ITPRID1: variants seen among roughly 807,000 people sequenced by gnomAD.
ITPRID1 encodes the protein protein ITPRID1.
In ITPRID1, 96 loss-of-function variants were observed where a neutral mutation model predicts 95.4. The observed-to-expected ratio is 1.01, with a 90% CI of 0.85 to 1.19. The LOEUF is 1.19. Among genes scored for constraint, ITPRID1 ranks in the 50% most tolerant of loss-of-function variants. The pLI is 0.00. For missense variants in ITPRID1, 1,339 were observed against 1,252.9 expected (o/e 1.07, Z -1.04); for synonymous variants, 510 against 453.6 (o/e 1.12, Z -1.58).
intron 10 of ITPRID1, among the ~76,000 whole-genome samples, chr7:31,636,275 A>G (rs945918229): frequency 6.6e-6 from 1 of 152,236 alleles, no homozygotes; most frequent in Non-Finnish European, 1.5e-5. Flanking sequence ...AGACTGGTAT[A>G]AACTAGCCAG....
intron 4 of ITPRID1, 69 bp downstream of exon 4, chr7:31,554,592 ACT>A: frequency 1.9e-6 from 3 of 1,588,728 alleles, no homozygotes; most frequent in Middle Eastern, 1.7e-4. Context: ...AATGTGTGTA[ACT>A]CTGCCTGGGC....
chr7:31,585,938 A>C (rs1785580511), intron 10 of ITPRID1, among the ~76,000 whole-genome samples: 1 of 148,676 alleles, frequency 6.7e-6, no homozygotes, highest in South Asian at 2.2e-4. Context: ...CGCTGCACCC[A>C]CTAACTCGTC....
intron 5 of ITPRID1, among the ~76,000 whole-genome samples, chr7:31,558,895 A>T (rs1467233200): frequency 6.6e-6 from 1 of 152,194 alleles, no homozygotes; most frequent in African/African-American, 2.4e-5. Context: ...TAAGGTTTTA[A>T]TGCCACTAAA....
intron 12 of ITPRID1, among the ~76,000 whole-genome samples, chr7:31,646,410 G>A (rs1022337936): frequency 6.6e-5 from 10 of 152,148 alleles, no homozygotes; most frequent in African/African-American, 2.4e-4. Context: ...GCAGGTAGAA[G>A]GATTGCAGCT....
At position 31,563,488 on chromosome 7, in the gene ITPRID1, G is replaced by A. The variant is rs561091099; in HGVS notation, c.257-6270G>A. 2.0e-5 allele frequency among the ~76,000 whole-genome samples: 3 copies of A among 152,252 alleles called. No homozygotes were observed. In the East Asian group the frequency reaches 5.8e-4, roughly 29 times the overall value. Reference sequence around the variant, plus strand: ...GGTAGTTGTACTTGTGGTCTGGGCTGAGCAGGATTTTGACACCCTATCTTT... The same window carrying A: ...GGTAGTTGTACTTGTGGTCTGGGCTAAGCAGGATTTTGACACCCTATCTTT... On this transcript the variant is annotated intron_variant, in intron 5 of 14. Coordinates refer to ENST00000615280, the MANE Select transcript of ITPRID1 (RefSeq NM_001257967.3).
chr7:31,580,161 G>C (rs1159227514), intron 9 of ITPRID1, among the ~76,000 whole-genome samples: 1 of 151,888 alleles, frequency 6.6e-6, no homozygotes, highest in Non-Finnish European at 1.5e-5. Flanking sequence ...AGCTCGGTGT[G>C]GTGGAGGGTG....
intron 1 of ITPRID1, among the ~76,000 whole-genome samples, chr7:31,521,675 C>T (rs217161): frequency 1.8e-4 from 20 of 114,212 alleles, no homozygotes; most frequent in Middle Eastern, 4.7e-3. Flanking sequence ...TCCTTCCTTC[C>T]TTCCTTCCTT....
intron 10 of ITPRID1, 89 bp downstream of exon 10, chr7:31,583,280 T>C (rs564557719): frequency 1.1e-6 from 1 of 872,534 alleles, no homozygotes; most frequent in Admixed American, 2.1e-5. Context: ...GTACAGAGCT[T>C]AAATTATCTC....
intron 8 of ITPRID1, among the ~76,000 whole-genome samples, chr7:31,575,365 G>A (rs550309730): frequency 1.3e-5 from 2 of 152,304 alleles, no homozygotes; most frequent in African/African-American, 4.8e-5. Context: ...CATCCCTCCT[G>A]ATTTAACTAT....
rs139431992 is a variant in ITPRID1 at position 31,643,819 on chromosome 7, G to A, written c.2449G>A (p.Gly817Arg). Reference sequence around the variant, plus strand: ...CTGTCATCACCACCCTCACTGCCACGGGGAGAGGCAAAGCCCTGGCCCTGA... The same window carrying A: ...CTGTCATCACCACCCTCACTGCCACAGGGAGAGGCAAAGCCCTGGCCCTGA... ...ICCHHHPHCH[G>R]ERQSPGPEPS... is the part of the protein sequence containing the mutation. The change falls in exon 12 of 15, where the codon GGG (glycine) becomes AGG (arginine). Residue 817 changes from glycine to arginine, a missense_variant. By Grantham distance (125) the Gly-to-Arg change is moderately radical (BLOSUM62 -2). Transcript: ENST00000615280. The A allele has an allele frequency of 2.7e-5, 44 of 1,613,720 alleles. No homozygotes were observed. The highest frequency in any genetic ancestry group is 6.7e-5 in the Admixed American group (4 of 59,998).
intron 10 of ITPRID1, among the ~76,000 whole-genome samples, chr7:31,594,292 G>C (rs1303605578): frequency 6.6e-6 from 1 of 152,150 alleles, no homozygotes; most frequent in Non-Finnish European, 1.5e-5. Flanking sequence ...AATCAACTAA[G>C]CGTGCATTTC....
chr7:31,519,620 C>CCATATATATATA (rs1554279824), intron 1 of ITPRID1, among the ~76,000 whole-genome samples: 2 of 25,252 alleles, frequency 7.9e-5, no homozygotes, highest in Non-Finnish European at 1.5e-4. Flanking sequence ...CTCTCTCTCT[C>CCATATATATATA]TATATATATA....
intron 10 of ITPRID1, among the ~76,000 whole-genome samples, chr7:31,619,977 T>A (rs934128946): frequency 6.6e-6 from 1 of 152,066 alleles, no homozygotes; most frequent in Non-Finnish European, 1.5e-5. Context: ...GCTTGGCGGG[T>A]CCTACGCCCA....
intron 10 of ITPRID1, among the ~76,000 whole-genome samples, chr7:31,630,953 C>G (rs759534133): frequency 6.6e-6 from 1 of 152,012 alleles, no homozygotes; most frequent in Non-Finnish European, 1.5e-5. Context: ...TAGAAACAGT[C>G]TTTTTAGAGA....
chr7:31,652,037 A>G lies in ITPRID1; in HGVS notation c.2810A>G (p.Glu937Gly). 6.3e-7 allele frequency: 1 copy of G among 1,598,450 alleles called. No homozygotes were observed. The highest frequency in any genetic ancestry group is 1.1e-5 in the South Asian group (1 of 87,788). The change falls in exon 14 of 15, where the codon GAA becomes GGA. Residue 937 changes from glutamate (E) to glycine (G), a missense_variant. Transcript: ENST00000615280. ...QLGDRAQQIREGILLQLEVLT... is the reference protein window; with the variant it reads ...QLGDRAQQIRGGILLQLEVLT... ...GGAGACCGGGCTCAGCAAATCAGAG[A>G]AGGGATTTTACTGGTATGGGTGATG...
At chr7:31,658,352 C>T, downstream of ITPRID1, 1 of 1,518,948 alleles carries the variant, frequency 6.6e-7, no homozygotes, top group Middle Eastern at 1.7e-4. Flanking sequence ...AAAATAAAAT[C>T]AAAAGACTTT....
intron 5 of ITPRID1, among the ~76,000 whole-genome samples, chr7:31,558,477 CT>C (rs998690414): frequency 6.6e-5 from 10 of 151,584 alleles, no homozygotes; most frequent in South Asian, 2.1e-4. Context: ...GCAATACTAA[CT>C]TTTTTTTTAT....
chr7:31,596,415 T>C (rs971652057), intron 10 of ITPRID1, among the ~76,000 whole-genome samples: 8 of 151,424 alleles, frequency 5.3e-5, no homozygotes. Flanking sequence ...TCTCAGAAAA[T>C]TGATACATTT....
chr7:31,600,633 T>C (rs1786353737), intron 10 of ITPRID1, among the ~76,000 whole-genome samples: 1 of 152,234 alleles, frequency 6.6e-6, no homozygotes, highest in South Asian at 2.1e-4. Context: ...GATTCTTCCC[T>C]TGGGGTGAGC....
Sources: gnomAD v4.1 joint callset for allele counts (sites outside exome capture counted in the v4.1 genomes callset) on GRCh38, gnomAD v4.1.1 for gene constraint, MANE v1.5 for transcripts, NCBI Gene and HGNC (gene_info 2026-07-23, HGNC 2026-07-21) for gene names.